Variants in DPY19L3 observed in about 807,000 individuals in gnomAD.
The protein encoded by DPY19L3 is dpy-19 like C-mannosyltransferase 3, also known as protein C-mannosyl-transferase DPY19L3.
A neutral mutation model predicts 92.3 loss-of-function variants in DPY19L3; 51 were observed. The ratio of observed to expected loss-of-function variants is 0.55; its 90% confidence interval spans 0.44 to 0.70. The LOEUF (loss-of-function observed/expected upper bound fraction) is 0.70. DPY19L3 is among the 30% of genes least tolerant of loss of function. DPY19L3 has a pLI of 0.00. For missense variants in DPY19L3, 706 were observed against 855.9 expected, an observed-to-expected ratio of 0.82 and a Z score of 2.18; for synonymous variants, 309 against 315.2, an observed-to-expected ratio of 0.98 and a Z score of 0.21.
chr19:32,426,637 T>C (rs1212398543), intron 3 of DPY19L3, among the ~76,000 whole-genome samples: 1 of 152,174 alleles, frequency 6.6e-6, no homozygotes, highest in African/African-American at 2.4e-5. Context: ...GACAGAGCTG[T>C]CAGAACACAC....
chr19:32,445,440 CAAAAAAAAA>C (rs71336904), intron 8 of DPY19L3, among the ~76,000 whole-genome samples: 7 of 42,824 alleles, frequency 1.6e-4, no homozygotes, highest in Non-Finnish European at 2.6e-4. Context: ...GACTTCATCT[CAAAAAAAAA>C]AAAAAAAAAA....
chr19:32,456,981 C>T (rs538813958), intron 10 of DPY19L3, among the ~76,000 whole-genome samples: 5 of 152,220 alleles, frequency 3.3e-5, no homozygotes, highest in Admixed American at 6.5e-5. Context: ...GGAAATGTAG[C>T]AAAATCTAAA....
Position 32,435,499 on chromosome 19 carries a change from A to T in DPY19L3, c.329-947A>T, listed in dbSNP as rs116642212. 2.0e-3 allele frequency among the ~76,000 whole-genome samples: 301 copies of T among 152,330 alleles called. 2 individuals carry two copies. Among genetic ancestry groups the T allele is most frequent in the African/African-American group, 6.5e-3 (270 of 41,570 alleles). ...TTCCTAGACATGGGCTTTCTAGGTC[A>T]AAGGGTAAATTCATATGTGATTTTG... On this transcript the variant is annotated intron_variant, in intron 4 of 18. Transcript: ENST00000392250.
At chr19:32,406,791 A>G (rs776389994) in intron 1 of DPY19L3, among the ~76,000 whole-genome samples, 3 of 152,122 alleles carry the variant, frequency 2.0e-5, no homozygotes, top group Non-Finnish European at 4.4e-5. Flanking sequence ...TGGTACTTAA[A>G]TATGTGTTGG....
Position 32,482,256 on chromosome 19 carries a change from A to C in DPY19L3, c.*16A>C. 6.2e-7 allele frequency: 1 copy of C among 1,602,418 alleles called. No individual in the cohort carries two copies. Among genetic ancestry groups the C allele is most frequent in the Non-Finnish European group, 8.5e-7 (1 of 1,176,178 alleles). On this transcript the variant is annotated 3_prime_UTR_variant, in exon 19 of 19. Transcript: ENST00000392250. The stretch of plus-strand genomic sequence containing the variant: ...AAACAAGTAGCGCAGATTTCTGCCC[A>C]GTGTCTATTTTTGATACGGAGAAAC...
At chr19:32,462,306 T>TC (rs1356405894) in intron 12 of DPY19L3, among the ~76,000 whole-genome samples, 5 of 152,198 alleles carry the variant, frequency 3.3e-5, no homozygotes, top group Non-Finnish European at 5.9e-5. Context: ...GGGATGATGA[T>TC]CTGAGTCTCA....
intron 7 of DPY19L3, among the ~76,000 whole-genome samples, 198 bp from the exon 8 acceptor site, chr19:32,439,578 C>T (rs979391528): frequency 3.9e-5 from 6 of 152,138 alleles, no homozygotes; most frequent in African/African-American, 1.4e-4. Context: ...AATACACACA[C>T]CGTATGTGAA....
At chr19:32,407,844 G>C (rs1184108752) in intron 1 of DPY19L3, among the ~76,000 whole-genome samples, 1 of 152,192 alleles carries the variant, frequency 6.6e-6, no homozygotes, top group East Asian at 1.9e-4. Flanking sequence ...TGTAATCCTA[G>C]CACTTTGGGA....
At chr19:32,426,579 G>A (rs1968772744) in intron 3 of DPY19L3, among the ~76,000 whole-genome samples, 1 of 152,170 alleles carries the variant, frequency 6.6e-6, no homozygotes, top group African/African-American at 2.4e-5. Flanking sequence ...ATATTATTGT[G>A]TCTCAGGGAG....
chr19:32,419,245 C>A (rs1968481638), intron 3 of DPY19L3, among the ~76,000 whole-genome samples: 1 of 150,406 alleles, frequency 6.6e-6, no homozygotes, highest in African/African-American at 2.4e-5. Flanking sequence ...CCTGCAAGCT[C>A]CACCTCCCGG....
rs534563595 is a variant in DPY19L3 at position 32,454,804 on chromosome 19, G to A, written c.988-135G>A. On this transcript the variant is annotated intron_variant, in intron 9 of 18. Coordinates refer to ENST00000392250, the MANE Select transcript of DPY19L3 (RefSeq NM_001172774.2). ...AGTGTAACCTCATGAAAATGAGTAG[G>A]TTGTATTTTCCACATATATTTTCCC... The A allele has an allele frequency of 3.1e-4, 172 of 561,004 alleles. 1 individual carries two copies. The East Asian group carries it at 4.4e-3, about 14-fold the overall frequency. 34.8% of individuals were successfully genotyped at this position (561,004 alleles called of 1,614,324 possible). A position where few individuals can be genotyped will look rare whatever the true frequency, so the allele number is the denominator to read the frequency against.
chr19:32,436,703 A>C, intron 5 of DPY19L3, 136 bp downstream of exon 5: 1 of 797,354 alleles, frequency 1.3e-6, no homozygotes, highest in Non-Finnish European at 1.8e-6. Flanking sequence ...TTTTTTTTCC[A>C]TGTATATTAT....
chr19:32,474,471 G>GT (rs1208365940), intron 16 of DPY19L3, among the ~76,000 whole-genome samples: 1 of 152,186 alleles, frequency 6.6e-6, no homozygotes, highest in African/African-American at 2.4e-5. Context: ...AGTGACTGCT[G>GT]TTTCATTTCC....
chr19:32,464,226 A>T (rs543816356), intron 14 of DPY19L3, among the ~76,000 whole-genome samples: 23 of 152,290 alleles, frequency 1.5e-4, no homozygotes, highest in Admixed American at 1.4e-3. Flanking sequence ...TACAAAAAAA[A>T]GCACAAAAGG....
chr19:32,449,984 CGA>C (rs1284014248), intron 8 of DPY19L3, among the ~76,000 whole-genome samples: 2 of 150,964 alleles, frequency 1.3e-5, no homozygotes, highest in Non-Finnish European at 2.9e-5. Context: ...ACCCATAGAA[CGA>C]GAGAGAATAT....
At position 32,447,775 on chromosome 19, in the gene DPY19L3, A is replaced by ATT. The variant is rs1568343916; in HGVS notation, c.856-5370_856-5369insTT. Among the ~76,000 whole-genome samples the ATT allele has an allele frequency of 2.4e-3, 301 of 126,990 alleles. 2 individuals carry two copies. Among genetic ancestry groups the ATT allele is most frequent in the African/African-American group, 8.1e-3 (258 of 31,968 alleles). 83.3% of individuals were successfully genotyped at this position (126,990 alleles called of 152,430 possible). A position where few individuals can be genotyped will look rare whatever the true frequency, so the allele number is the denominator to read the frequency against. On this transcript the variant is annotated intron_variant, in intron 8 of 18. Coordinates refer to ENST00000392250, the MANE Select transcript of DPY19L3 (RefSeq NM_001172774.2). ...TAGATAGATAGATAGATAGATAGAT[A>ATT]GATTAGATAAGATACTCCATCTCAT...
chr19:32,437,613 T>C (rs779056061), intron 6 of DPY19L3, among the ~76,000 whole-genome samples: 10 of 152,162 alleles, frequency 6.6e-5, no homozygotes, highest in Non-Finnish European at 8.8e-5. Context: ...TGCTGGGTGA[T>C]CAAGATTTCT....
intron 3 of DPY19L3, among the ~76,000 whole-genome samples, chr19:32,423,786 G>A (rs548256915): frequency 7.9e-5 from 12 of 152,112 alleles, no homozygotes; most frequent in African/African-American, 2.6e-4. Context: ...AGGCCAAGGC[G>A]GCAGGATCGC....
chr19:32,438,984 A>G (rs773905291), intron 6 of DPY19L3, 128 bp from the exon 7 acceptor site: 189 of 950,882 alleles, frequency 2.0e-4, no homozygotes, highest in Non-Finnish European at 2.9e-4. Context: ...AAGGACAATT[A>G]TTGAGAACCA....
Sources: allele counts gnomAD v4.1 joint callset (sites outside exome capture counted in the v4.1 genomes callset), GRCh38; gene constraint gnomAD v4.1.1; transcripts MANE v1.5; gene names NCBI Gene and HGNC (gene_info 2026-07-23, HGNC 2026-07-21).